The following OSBPL1A variants were observed in gnomAD, a reference collection of about 807,000 sequenced individuals.
The protein encoded by OSBPL1A is oxysterol binding protein like 1A.
OSBPL1A carries 80 observed loss-of-function variants against 137.1 expected under a neutral mutation model. The observed-to-expected ratio is 0.58, with a 90% CI of 0.49 to 0.70. The LOEUF is 0.70. Ranked by LOEUF, OSBPL1A falls within the 30% of genes least tolerant of loss-of-function variation. The pLI, the probability that OSBPL1A is intolerant of heterozygous loss-of-function variation, is 0.00. For synonymous variants in OSBPL1A, 365 were observed against 389.7 expected, an observed-to-expected ratio of 0.94 and a Z score of 0.75; for missense variants, 970 against 1,129.4, an observed-to-expected ratio of 0.86 and a Z score of 2.02.
At chr18:24,351,347 CAAAAA>C (rs1172514692) in intron 4 of OSBPL1A, among the ~76,000 whole-genome samples, 70 of 35,776 alleles carry the variant, frequency 2.0e-3, no homozygotes, top group African/African-American at 6.7e-3. Context: ...GACTCTGTCT[CAAAAA>C]AAAAAAAAAA....
At position 24,242,328 on chromosome 18, in the gene OSBPL1A, TA is replaced by T. The variant is rs1475931903; in HGVS notation, c.1282-2947del. On this transcript the variant is annotated intron_variant, in intron 15 of 27. Transcript: ENST00000319481. Reference sequence around the variant, plus strand: ...AACAAACAAACAAAAAAGATTCAGTTAGGGGGTTAAAAAAAAAAAAGAAAGA... The same window carrying T: ...AACAAACAAACAAAAAAGATTCAGTTGGGGGTTAAAAAAAAAAAAGAAAGA... Among the ~76,000 whole-genome samples, 17 of 144,034 alleles carry T rather than the reference TA, an allele frequency of 1.2e-4. 1 individual carries two copies. The highest frequency in any genetic ancestry group is 6.0e-4 in the East Asian group (3 of 5,026). 94.5% of individuals were successfully genotyped at this position (144,034 alleles called of 152,430 possible).
intron 4 of OSBPL1A, among the ~76,000 whole-genome samples, chr18:24,362,149 AT>A (rs1271491483): frequency 2.0e-5 from 3 of 152,148 alleles, no homozygotes; most frequent in Non-Finnish European, 4.4e-5. Context: ...TGGATATTAC[AT>A]TTGAGTAGCA....
At chr18:24,315,765 ATAT>A (rs1220691732) in intron 11 of OSBPL1A, among the ~76,000 whole-genome samples, 1 of 120,180 alleles carries the variant, frequency 8.3e-6, no homozygotes, top group Non-Finnish European at 1.6e-5. Context: ...TATATAGTAT[ATAT>A]TATATAATAA....
chr18:24,181,951 G>C (rs1382190217), intron 18 of OSBPL1A, among the ~76,000 whole-genome samples: 3 of 152,148 alleles, frequency 2.0e-5, no homozygotes, highest in Non-Finnish European at 4.4e-5. Context: ...ATTGCTGTCT[G>C]TTCAAATATA....
intron 18 of OSBPL1A, among the ~76,000 whole-genome samples, chr18:24,190,350 A>G (rs1367950343): frequency 1.7e-5 from 1 of 60,306 alleles, no homozygotes; most frequent in African/African-American, 2.1e-4. Context: ...GCTACTGAAA[A>G]AAAAAAAAAA....
chr18:24,282,137 C>T (rs1329261720), intron 14 of OSBPL1A, among the ~76,000 whole-genome samples: 1 of 150,522 alleles, frequency 6.6e-6, no homozygotes, highest in Non-Finnish European at 1.5e-5. Flanking sequence ...GTCCCTGGTG[C>T]CAAAAAAGTT....
At chr18:24,282,551 A>AAAAAAC (rs368554756) in intron 14 of OSBPL1A, among the ~76,000 whole-genome samples, 3 of 152,358 alleles carry the variant, frequency 2.0e-5, no homozygotes, top group South Asian at 2.1e-4. Context: ...CATTAAAAAT[A>AAAAAAC]AAAAACAAAA....
chr18:24,174,488 G>A (rs2086372762), intron 21 of OSBPL1A, among the ~76,000 whole-genome samples: 1 of 152,184 alleles, frequency 6.6e-6, no homozygotes, highest in Non-Finnish European at 1.5e-5. Flanking sequence ...TTGGATTTGA[G>A]ATGCTAAACC....
intron 1 of OSBPL1A, among the ~76,000 whole-genome samples, chr18:24,389,957 A>G (rs1409069799): frequency 5.3e-5 from 8 of 152,110 alleles, no homozygotes; most frequent in Non-Finnish European, 1.2e-4. Flanking sequence ...AATAAAATAA[A>G]ATAAAATAAA....
chr18:24,314,398 C>A, intron 11 of OSBPL1A, 51 bp from the exon 12 acceptor site: 1 of 1,254,668 alleles, frequency 8.0e-7, no homozygotes, highest in Non-Finnish European at 1.1e-6. Context: ...TAAAAGAGGA[C>A]CCTAAAATTA....
chr18:24,270,357 G>A (rs175731), intron 15 of OSBPL1A, among the ~76,000 whole-genome samples: 66,865 of 152,068 alleles, frequency 0.44, 15,888 homozygotes, highest in African/African-American at 0.6. Context: ...GCTTTAATAT[G>A]GAAAACCTAA....
intron 13 of OSBPL1A, among the ~76,000 whole-genome samples, chr18:24,306,458 A>C (rs1214873363): frequency 6.6e-6 from 1 of 152,228 alleles, no homozygotes; most frequent in African/African-American, 2.4e-5. Context: ...GCACAGAAGC[A>C]GATTGCCACC....
rs951689623 is a variant in OSBPL1A at position 24,162,940 on chromosome 18, T to G, written c.*239A>C. ...TATTCCCCAGCAGTGTTCTCTTACC[T>G]CTATATAAAATAGTATTCCAAATAA... On this transcript the variant is annotated 3_prime_UTR_variant, in exon 28 of 28. Transcript: ENST00000319481. 37 of 340,580 alleles carry G rather than the reference T, an allele frequency of 1.1e-4. No homozygotes were observed. The highest frequency in any genetic ancestry group is 8.8e-4 in the Middle Eastern group (1 of 1,136). 21.1% of individuals were successfully genotyped at this position (340,580 alleles called of 1,614,324 possible).
chr18:24,179,297 A>G (rs528702738), intron 20 of OSBPL1A: 2 of 163,698 alleles, frequency 1.2e-5, no homozygotes, highest in African/African-American at 2.4e-5. Context: ...CAACCCAGCT[A>G]ATAAACTTTA....
At chr18:24,353,966 T>A (rs1251553209) in intron 4 of OSBPL1A, among the ~76,000 whole-genome samples, 6 of 150,640 alleles carry the variant, frequency 4.0e-5, no homozygotes, top group Admixed American at 6.6e-5. Flanking sequence ...TACCTAATGC[T>A]AAATGACCAG....
chr18:24,210,606 T>C (rs2087510467), intron 17 of OSBPL1A, among the ~76,000 whole-genome samples: 2 of 151,452 alleles, frequency 1.3e-5, no homozygotes, highest in Admixed American at 1.3e-4. Context: ...CGATCATGAC[T>C]CACTTGCAGC....
chr18:24,388,010 C>T (rs80117199), intron 1 of OSBPL1A, among the ~76,000 whole-genome samples: 11 of 151,946 alleles, frequency 7.2e-5, no homozygotes, highest in Non-Finnish European at 1.0e-4. Flanking sequence ...TTCTAAACTC[C>T]GATGCCACTA....
Position 24,324,603 on chromosome 18 carries a change from TAAAAAAA to T in OSBPL1A, c.626-5801_626-5795del, listed in dbSNP as rs71163674. ...CCCAATAAAAACATGAATATGAATATAAAAAAAAAAAAAAAAAAAAAAAAAAAAAAAT... is the reference window on the plus strand; with the variant it reads ...CCCAATAAAAACATGAATATGAATATAAAAAAAAAAAAAAAAAAAAAAAAT... On this transcript the variant is annotated intron_variant, in intron 7 of 27. Transcript: ENST00000319481. Among the ~76,000 whole-genome samples the T allele has an allele frequency of 7.2e-3, 41 of 5,656 alleles. 2 individuals carry two copies. The highest frequency in any genetic ancestry group is 0.051 in the South Asian group (17 of 336). 3.7% of individuals were successfully genotyped at this position (5,656 alleles called of 152,430 possible).
rs751522198 is a variant in OSBPL1A at position 24,377,411 on chromosome 18, AC to A, written c.121+1del. The A allele has an allele frequency of 1.2e-6, 2 of 1,603,680 alleles. No homozygotes were observed. The highest frequency in any genetic ancestry group is 1.7e-6 in the Non-Finnish European group (2 of 1,177,262). On this transcript the variant is annotated splice_donor_variant, in intron 2 of 27. Transcript: ENST00000319481. LOFTEE classifies it high-confidence loss of function. The stretch of plus-strand genomic sequence containing the variant: ...AAGCTACAAAATCCATTCAAAGTTT[AC>A]CTTTGCAATTAATGTCAGCAATCAC...
Sources: gnomAD v4.1 joint callset for allele counts (sites outside exome capture counted in the v4.1 genomes callset) on GRCh38, gnomAD v4.1.1 for gene constraint, MANE v1.5 for transcripts, NCBI Gene and HGNC (gene_info 2026-07-23, HGNC 2026-07-21) for gene names.